KLK6: variants seen among roughly 807,000 people sequenced by gnomAD.
The protein encoded by KLK6 is kallikrein-6.
KLK6 carries 16 observed loss-of-function variants against 21.7 expected under a neutral mutation model. The observed-to-expected ratio is 0.74, with a 90% CI of 0.50 to 1.12. KLK6 has a LOEUF of 1.12. Ranked by LOEUF, KLK6 falls within the 50% of genes most tolerant of loss-of-function variation. The probability of loss-of-function intolerance (pLI) is 0.00; values close to 1 mark genes in which losing one functional copy is unlikely to be tolerated. For missense variants in KLK6, 276 were observed against 304.6 expected, an observed-to-expected ratio of 0.91 and a Z score of 0.70; for synonymous variants, 116 against 120.1, an observed-to-expected ratio of 0.97 and a Z score of 0.22.
intron 4 of KLK6, among the ~76,000 whole-genome samples, chr19:50,965,294 T>A (rs2090907253): frequency 6.7e-6 from 1 of 149,528 alleles, no homozygotes; most frequent in Admixed American, 6.7e-5. Flanking sequence ...TCTTTCCTTT[T>A]TTTTTTTTTA....
chr19:50,963,238 C>T (rs2090871666), intron 5 of KLK6, 64 bp downstream of exon 5: 14 of 1,565,774 alleles, frequency 8.9e-6, no homozygotes, highest in Non-Finnish European at 1.2e-5. Context: ...TCCCACTCCC[C>T]ATCCTTTGGC....
intron 4 of KLK6, 162 bp from the exon 5 acceptor site, chr19:50,963,711 C>A: frequency 1.3e-6 from 1 of 741,854 alleles, no homozygotes; most frequent in Non-Finnish European, 2.2e-6. Flanking sequence ...GGGGGCTATT[C>A]TTCACTCTCT....
chr19:50,959,007 TA>T lies in KLK6; in HGVS notation c.*156del. 1 of 775,164 alleles carries T rather than the reference TA, an allele frequency of 1.3e-6. No individual in the cohort carries two copies. The highest frequency in any genetic ancestry group is 2.2e-6 in the Non-Finnish European group (1 of 462,998). 48.0% of individuals were successfully genotyped at this position (775,164 alleles called of 1,614,324 possible). ...CAGTGATGCAAGGATGGAGCTGGGG[TA>T]AAACCAGGGAGAATCAGGACCCTCA... On this transcript the variant is annotated 3_prime_UTR_variant, in exon 7 of 7. Coordinates refer to ENST00000310157, the MANE Select transcript of KLK6 (RefSeq NM_002774.4).
Position 50,963,364 on chromosome 19 carries a change from T to C in KLK6, c.383A>G (p.Glu128Gly), listed in dbSNP as rs1436812073. 2.5e-6 allele frequency: 4 copies of C among 1,614,110 alleles called. No individual in the cohort carries two copies. In the South Asian group the frequency reaches 4.4e-5, roughly 18 times the overall value. The change falls in exon 5 of 7, where the codon GAG becomes GGG. Residue 128 changes from glutamate (E) to glycine (G), a missense_variant. Coordinates refer to ENST00000310157, the MANE Select transcript of KLK6 (RefSeq NM_002774.4). ...LSELIQPLPL[E>G]RDCSANTTSC... ...GGTGGTGTTGGCTGAGCAGTCCCTC[T>C]CCAGGGGAAGGGGCTGGATGAGTTC...
chr19:50,969,212 A>T (rs1370473744), intron 1 of KLK6, among the ~76,000 whole-genome samples: 3 of 124,924 alleles, frequency 2.4e-5, no homozygotes, highest in African/African-American at 1.1e-4. Flanking sequence ...GCTAGGACCT[A>T]AACTCCTGGG....
intron 4 of KLK6, among the ~76,000 whole-genome samples, chr19:50,965,636 T>G (rs532411856): frequency 1.1e-3 from 161 of 152,324 alleles, no homozygotes; most frequent in Non-Finnish European, 1.9e-3. Context: ...GGATGACGTG[T>G]GTGTCCCATC....
rs1243123818 is a variant in KLK6 at position 50,959,406 on chromosome 19, T to TGA, written c.583-91_583-90insTC. On this transcript the variant is annotated intron_variant, in intron 6 of 6. Transcript: ENST00000310157. ...GTGTGTGTGTGTGTGTGTGTGTGTG[T>TGA]GTGACAGAGAGAGAGGTAGAAAGGG... 9.8e-6 allele frequency: 10 copies of TGA among 1,015,290 alleles called. No homozygotes were observed. The East Asian group carries it at 1.2e-4, about 12-fold the overall frequency. 62.9% of individuals were successfully genotyped at this position (1,015,290 alleles called of 1,614,324 possible).
intron 5 of KLK6, 77 bp from the exon 6 acceptor site, chr19:50,961,957 T>G: frequency 6.8e-7 from 1 of 1,462,656 alleles, no homozygotes; most frequent in Non-Finnish European, 9.1e-7. Flanking sequence ...CCCCAACCCC[T>G]ATAAGTCCTC....
Position 50,967,264 on chromosome 19 carries a change from G to A in KLK6, c.102C>T (p.Pro34=). 1 of 1,614,048 alleles carries A rather than the reference G, an allele frequency of 6.2e-7. No homozygotes were observed. Among genetic ancestry groups the A allele is most frequent in the Middle Eastern group, 1.7e-4 (1 of 6,060 alleles). The part of the protein sequence containing the change: ...HGGPCDKTSH[P]YQAALYTSGH... Reference sequence around the variant, plus strand: ...CCGAGGTGTAGAGGGCAGCTTGGTAGGGGTGAGATGTCTTGTCGCAGGGTC... The same window carrying A: ...CCGAGGTGTAGAGGGCAGCTTGGTAAGGGTGAGATGTCTTGTCGCAGGGTC... The change falls in exon 4 of 7, where the codon CCC becomes CCT. Residue 34 remains proline (P), a synonymous_variant. Coordinates refer to ENST00000310157, the MANE Select transcript of KLK6 (RefSeq NM_002774.4).
intron 4 of KLK6, 172 bp from the exon 5 acceptor site, chr19:50,963,721 T>C: frequency 1.4e-6 from 1 of 700,090 alleles, no homozygotes; most frequent in Non-Finnish European, 2.3e-6. Flanking sequence ...CTTCACTCTC[T>C]TTATTTCATG....
intron 4 of KLK6, among the ~76,000 whole-genome samples, chr19:50,965,316 G>A (rs574980394): frequency 6.7e-6 from 1 of 148,792 alleles, no homozygotes; most frequent in East Asian, 2.0e-4. Context: ...ACAGAGTCTC[G>A]CTCTGTGGTT....
chr19:50,959,281 GT>G lies in KLK6; in HGVS notation c.617del (p.His206ProfsTer44). 6.2e-7 allele frequency: 1 copy of G among 1,613,960 alleles called. No individual in the cohort carries two copies. The highest frequency in any genetic ancestry group is 8.5e-7 in the Non-Finnish European group (1 of 1,179,982). ...DSGGPLVCGDHLRGLVSWGNI... is the reference protein window; with the variant it reads ...DSGGPLVCGDXLRGLVSWGNI... ...TACCCCATGACACAAGGCCTCGGAG[GT>G]GGTCTCCACATACCAGCGGACCCCC... On this transcript the variant is annotated frameshift_variant, in exon 7 of 7. Coordinates refer to ENST00000310157, the MANE Select transcript of KLK6 (RefSeq NM_002774.4). LOFTEE classifies it low-confidence loss of function (END_TRUNC).
At position 50,959,070 on chromosome 19, in the gene KLK6, G is replaced by T; in HGVS notation, c.*94C>A. The T allele has an allele frequency of 5.2e-6, 7 of 1,358,680 alleles. 1 individual carries two copies. In the South Asian group the frequency reaches 7.4e-5, roughly 14 times the overall value. 84.2% of individuals were successfully genotyped at this position (1,358,680 alleles called of 1,614,324 possible). A position where few individuals can be genotyped will look rare whatever the true frequency, so the allele number is the denominator to read the frequency against. ...TTATTAAGCATCAGGGTCAGAGCTG[G>T]GCAGGAGAGGAGGGGAGGCAAGGTC... On this transcript the variant is annotated 3_prime_UTR_variant, in exon 7 of 7. Transcript: ENST00000310157.
At chr19:50,963,994 A>G (rs1481936544) in intron 4 of KLK6, among the ~76,000 whole-genome samples, 1 of 152,028 alleles carries the variant, frequency 6.6e-6, no homozygotes, top group African/African-American at 2.4e-5. Context: ...TATGACTCCC[A>G]TCTCACTCAG....
At position 50,963,389 on chromosome 19, in the gene KLK6, CAG is replaced by C; in HGVS notation, c.356_357del (p.Ser119Ter). 6.2e-7 allele frequency: 1 copy of C among 1,614,204 alleles called. No homozygotes were observed. Among genetic ancestry groups the C allele is most frequent in the Non-Finnish European group, 8.5e-7 (1 of 1,180,038 alleles). ...LLRLARPAKL[S>X]ELIQPLPLER... ...TCCAGGGGAAGGGGCTGGATGAGTTCAGAGAGTTTGGCTGGGCGTGCCAGGCG... is the reference window on the plus strand; with the variant it reads ...TCCAGGGGAAGGGGCTGGATGAGTTCAGAGTTTGGCTGGGCGTGCCAGGCG... On this transcript the variant is annotated frameshift_variant, in exon 5 of 7. Transcript: ENST00000310157. LOFTEE classifies it high-confidence loss of function.
Position 50,968,084 on chromosome 19 carries a change from CA to C in KLK6, c.20del (p.Val7GlyfsTer2), listed in dbSNP as rs1235737195. MKKLMV[V>X]LSLIAAAWAE... is the part of the protein sequence containing the mutation. ...CCCCACCTGCAGCAATCAGACTCAGCACCACCATCAGCTTCTTCATGGCCGC... is the reference window on the plus strand; with the variant it reads ...CCCCACCTGCAGCAATCAGACTCAGCCCACCATCAGCTTCTTCATGGCCGC... On this transcript the variant is annotated frameshift_variant, in exon 3 of 7. Transcript: ENST00000310157. LOFTEE classifies it high-confidence loss of function. 6.2e-7 allele frequency: 1 copy of C among 1,614,050 alleles called. No individual in the cohort carries two copies. Among genetic ancestry groups the C allele is most frequent in the East Asian group, 2.2e-5 (1 of 44,868 alleles).
intron 4 of KLK6, among the ~76,000 whole-genome samples, chr19:50,964,149 T>C (rs2090890881): frequency 6.6e-6 from 1 of 152,164 alleles, no homozygotes; most frequent in Admixed American, 6.6e-5. Context: ...TTGAACACAA[T>C]AGTGATCTTC....
chr19:50,967,624 G>A (rs567437467), intron 3 of KLK6, among the ~76,000 whole-genome samples: 120 of 150,924 alleles, frequency 8.0e-4, no homozygotes, highest in Non-Finnish European at 1.2e-3. Context: ...GGTCACTTGA[G>A]ACCCAAGAGT....
At position 50,966,474 on chromosome 19, in the gene KLK6, C is replaced by T. The variant is rs78979648; in HGVS notation, c.197+695G>A. On this transcript the variant is annotated intron_variant, in intron 4 of 6. Transcript: ENST00000310157. ...CCCTCCCTCTCTCTTGCCCAGACCA[C>T]GTTCCACGTGGTAGCCAGGGTGCTT... 8.1e-3 allele frequency among the ~76,000 whole-genome samples: 1,240 copies of T among 152,356 alleles called. 9 individuals are homozygous for T. The highest frequency in any genetic ancestry group is 0.014 in the Non-Finnish European group (958 of 68,032).
Sources: gnomAD v4.1 joint callset for allele counts (sites outside exome capture counted in the v4.1 genomes callset) on GRCh38, gnomAD v4.1.1 for gene constraint, MANE v1.5 for transcripts, NCBI Gene and HGNC (gene_info 2026-07-23, HGNC 2026-07-21) for gene names.